Variants in TTC17 observed in about 807,000 individuals in gnomAD.
The protein encoded by TTC17 is tetratricopeptide repeat domain 17, also known as tetratricopeptide repeat protein 17.
TTC17 carries 58 observed loss-of-function variants against 143.8 expected under a neutral mutation model. That is an observed-to-expected ratio of 0.40 (90% CI 0.33 to 0.50). The LOEUF is 0.50. Ranked by LOEUF, TTC17 falls within the 20% of genes least tolerant of loss-of-function variation. The probability of loss-of-function intolerance (pLI) is 0.49; values close to 1 mark genes in which losing one functional copy is unlikely to be tolerated. For synonymous variants in TTC17, 501 were observed against 497.8 expected (o/e 1.01, Z -0.09); for missense variants, 1,273 against 1,392.5 (o/e 0.91, Z 1.37).
chr11:43,374,981 A>C (rs966540881), intron 1 of TTC17, among the ~76,000 whole-genome samples: 10 of 152,204 alleles, frequency 6.6e-5, no homozygotes, highest in Admixed American at 3.3e-4. Flanking sequence ...AATTAGGTGG[A>C]AGTTTAGAAA....
At chr11:43,372,713 A>C (rs1221657654) in intron 1 of TTC17, among the ~76,000 whole-genome samples, 1 of 151,118 alleles carries the variant, frequency 6.6e-6, no homozygotes, top group Non-Finnish European at 1.5e-5. Flanking sequence ...CTAGTCTTGA[A>C]CTCCTGACCT....
At chr11:43,367,190 C>T (rs951710073) in intron 1 of TTC17, among the ~76,000 whole-genome samples, 1 of 152,114 alleles carries the variant, frequency 6.6e-6, no homozygotes, top group African/African-American at 2.4e-5. Context: ...CTTTGAGTCA[C>T]GCATTATTGA....
intron 16 of TTC17, among the ~76,000 whole-genome samples, chr11:43,426,954 G>A (rs1243393045): frequency 2.6e-5 from 4 of 152,158 alleles, no homozygotes; most frequent in Admixed American, 1.3e-4. Flanking sequence ...GTTGTGTAAT[G>A]TACAAGGTCT....
intron 1 of TTC17, among the ~76,000 whole-genome samples, chr11:43,364,138 CCT>C (rs990168465): frequency 4.1e-5 from 6 of 145,472 alleles, no homozygotes; most frequent in African/African-American, 1.3e-4. Flanking sequence ...CTCACTGCAA[CCT>C]CTGTCTCCTG....
chr11:43,427,671 A>C (rs1249932231), intron 16 of TTC17, among the ~76,000 whole-genome samples: 1 of 152,204 alleles, frequency 6.6e-6, no homozygotes, highest in Non-Finnish European at 1.5e-5. Flanking sequence ...AATTATAAGT[A>C]ATGTGTAATC....
intron 1 of TTC17, among the ~76,000 whole-genome samples, chr11:43,366,049 C>T (rs1194692055): frequency 6.6e-6 from 1 of 150,914 alleles, no homozygotes; most frequent in South Asian, 2.1e-4. Context: ...GGCGCAATCT[C>T]GGCTCACTAC....
At chr11:43,391,091 A>T (rs1044850966) in intron 3 of TTC17, among the ~76,000 whole-genome samples, 84 of 152,154 alleles carry the variant, frequency 5.5e-4, no homozygotes, top group Admixed American at 7.9e-4. Context: ...ATATGGGGAA[A>T]ATTTGACATT....
In TTC17 at chr11:43,494,585, C is replaced by A. The variant is rs1590523828; in HGVS notation, c.*681C>A. On this transcript the variant is annotated 3_prime_UTR_variant, in exon 24 of 24. Coordinates refer to ENST00000039989, the MANE Select transcript of TTC17 (RefSeq NM_018259.6). ...AGGGGAAATCAGCAGTGTGCAACATCTTTATAATTTGTACTTTAATTACAA... is the reference window on the plus strand; with the variant it reads ...AGGGGAAATCAGCAGTGTGCAACATATTTATAATTTGTACTTTAATTACAA... 1 of 152,162 alleles carries A rather than the reference C, an allele frequency of 6.6e-6. No homozygotes were observed. Among genetic ancestry groups the A allele is most frequent in the Admixed American group, 6.5e-5 (1 of 15,268 alleles). 9.4% of individuals were successfully genotyped at this position (152,162 alleles called of 1,614,324 possible).
At chr11:43,362,167 G>A (rs113058460) in intron 1 of TTC17, among the ~76,000 whole-genome samples, 3 of 149,206 alleles carry the variant, frequency 2.0e-5, no homozygotes, top group Admixed American at 1.3e-4. Flanking sequence ...GTGTGTGTGT[G>A]TGTGTGTGTG....
At chr11:43,391,689 A>C (rs1223644218) in intron 4 of TTC17, 113 bp downstream of exon 4, 1 of 1,321,176 alleles carries the variant, frequency 7.6e-7, no homozygotes, top group Non-Finnish European at 1.0e-6. Flanking sequence ...CAGCTTTGTA[A>C]TTTTATAGAC....
intron 8 of TTC17, 34 bp downstream of exon 8, chr11:43,398,147 G>A: frequency 3.1e-6 from 5 of 1,611,712 alleles, no homozygotes; most frequent in Non-Finnish European, 4.2e-6. Flanking sequence ...TCAAGCATTA[G>A]CACTATCGAA....
At chr11:43,441,682 T>C (rs1422068149) in intron 16 of TTC17, among the ~76,000 whole-genome samples, 7 of 152,204 alleles carry the variant, frequency 4.6e-5, no homozygotes, top group Non-Finnish European at 1.0e-4. Context: ...TTTTTAGGAA[T>C]TGCTTTCGCC....
Position 43,468,798 on chromosome 11 carries a change from G to T in TTC17, c.3030+17533G>T, listed in dbSNP as rs540226319. ...AAAAATTTAAAAATCAGCCAGCAAC[G>T]CCTGTAGTCCTAGCTACACAGGAGG... is the stretch of plus-strand genomic sequence containing the variant. On this transcript the variant is annotated intron_variant, in intron 21 of 23. Coordinates refer to ENST00000039989, the MANE Select transcript of TTC17 (RefSeq NM_018259.6). 2.0e-5 allele frequency among the ~76,000 whole-genome samples: 3 copies of T among 152,202 alleles called. No homozygotes were observed. The East Asian group carries it at 5.8e-4, about 29-fold the overall frequency.
intron 16 of TTC17, among the ~76,000 whole-genome samples, chr11:43,438,346 A>G (rs941931570): frequency 4.6e-5 from 7 of 152,168 alleles, no homozygotes; most frequent in East Asian, 1.9e-4. Context: ...TTTAGTGCAG[A>G]TGGGGTTTCA....
At chr11:43,482,602 T>A (rs925192770) in intron 21 of TTC17, among the ~76,000 whole-genome samples, 4 of 152,170 alleles carry the variant, frequency 2.6e-5, no homozygotes, top group Non-Finnish European at 5.9e-5. Flanking sequence ...TGGGCCAGAA[T>A]GTGGCCTATC....
chr11:43,362,984 A>G (rs1856179422), intron 1 of TTC17, among the ~76,000 whole-genome samples: 1 of 152,108 alleles, frequency 6.6e-6, no homozygotes, highest in South Asian at 2.1e-4. Context: ...CTGTTTTCCT[A>G]GCTTTGGGCT....
chr11:43,370,296 GAAGGGATCGC>G, intron 1 of TTC17: 1 of 265,766 alleles, frequency 3.8e-6, no homozygotes, highest in Non-Finnish European at 7.6e-6. Flanking sequence ...TAGTAGCCTG[GAAGGGATCGC>G]AAACAGAAGG....
chr11:43,457,120 G>T (rs1404453056), intron 21 of TTC17, among the ~76,000 whole-genome samples: 3 of 152,030 alleles, frequency 2.0e-5, no homozygotes, highest in Non-Finnish European at 4.4e-5. Context: ...GGTCATTCCT[G>T]TTCCTCAGTT....
At chr11:43,418,063 CTGT>C (rs1946816967) in intron 16 of TTC17, among the ~76,000 whole-genome samples, 1 of 152,174 alleles carries the variant, frequency 6.6e-6, no homozygotes, top group Non-Finnish European at 1.5e-5. Context: ...CTTGTAAATA[CTGT>C]TTTGTTCAAC....
Sources: allele counts gnomAD v4.1 joint callset (sites outside exome capture counted in the v4.1 genomes callset), GRCh38; gene constraint gnomAD v4.1.1; transcripts MANE v1.5; gene names NCBI Gene and HGNC (gene_info 2026-07-23, HGNC 2026-07-21).